Variants in IGF2R observed in about 807,000 individuals in gnomAD.
IGF2R encodes the protein insulin like growth factor 2 receptor, also known as cation-independent mannose-6-phosphate receptor.
In IGF2R, 91 loss-of-function variants were observed where a neutral mutation model predicts 270.6. That is an observed-to-expected ratio of 0.34 (90% CI 0.28 to 0.40). IGF2R has a LOEUF of 0.40. Among genes scored for constraint, IGF2R ranks in the 10% least tolerant of loss-of-function variants. The pLI is 1.00. For synonymous variants in IGF2R, 1,316 were observed against 1,258.9 expected, an observed-to-expected ratio of 1.05 and a Z score of -0.96; for missense variants, 2,805 against 3,188.3, an observed-to-expected ratio of 0.88 and a Z score of 2.90.
rs1297889559 is a variant in IGF2R at position 160,084,172 on chromosome 6, A to G, written c.6056A>G (p.His2019Arg). ...SSLTGSWSLV[H>R]NGVSYYINLC... ...CTCACCGGGTCCTGGTCCCTCGTCC[A>G]CAACGGAGTCTCGTGAGTGCCTTCC... is the stretch of plus-strand genomic sequence containing the variant. The change falls in exon 40 of 48, where the codon CAC (histidine) becomes CGC (arginine). Residue 2019 changes from histidine to arginine, a missense_variant. By Grantham distance (29) the His-to-Arg change is conservative (BLOSUM62 0). This residue lies in a region of IGF2R where 1,851 missense variants were observed against 2,207.2 expected (regional missense o/e 0.84). Transcript: ENST00000356956. This position sits in a 1 kb window ranked among gnomAD's most constrained non-coding sequence, Gnocchi z 4.6. 4.3e-6 allele frequency: 7 copies of G among 1,610,442 alleles called. No homozygotes were observed. Among genetic ancestry groups the G allele is most frequent in the Non-Finnish European group, 5.9e-6 (7 of 1,176,758 alleles).
Position 160,072,880 on chromosome 6 carries a change from C to A in IGF2R, c.4686C>A (p.Gly1562=). Residue 1562 remains glycine, a synonymous_variant, in exon 33 of 48, where the codon GGC becomes GGA. Coordinates refer to ENST00000356956, the MANE Select transcript of IGF2R (RefSeq NM_000876.4). ...ICGENENCPP[G]VGACFGQTRI... ...GGGAGAATGAAAACTGCCCTCCTGG[C>A]GTGGGTGAGTGCTGTGGTCTCTCGT... 1 of 1,611,296 alleles carries A rather than the reference C, an allele frequency of 6.2e-7. No homozygotes were observed.
Position 160,047,830 on chromosome 6 carries a change from C to T in IGF2R, c.2268C>T (p.Thr756=). The T allele has an allele frequency of 8.1e-6, 13 of 1,614,078 alleles. No homozygotes were observed. The highest frequency in any genetic ancestry group is 1.1e-5 in the Non-Finnish European group (13 of 1,179,904). Residue 756 remains threonine (T), a synonymous_variant, in exon 17 of 48, where the codon ACC becomes ACT. Transcript: ENST00000356956. The part of the protein sequence containing the change: ...DNSTYNFRWY[T]SYACPEEPLE... Reference sequence around the variant, plus strand: ...CCACCTACAACTTCCGGTGGTACACCAGCTATGCCTGCCCGGAGGAGCCCC... The same window carrying T: ...CCACCTACAACTTCCGGTGGTACACTAGCTATGCCTGCCCGGAGGAGCCCC...
chr6:159,972,975 A>G (rs1280808700), intron 1 of IGF2R, among the ~76,000 whole-genome samples: 1 of 152,162 alleles, frequency 6.6e-6, no homozygotes, highest in Non-Finnish European at 1.5e-5. Context: ...TTAGAAGTTA[A>G]TGATTCTTAT....
chr6:160,019,802 CAT>C (rs1323909237), intron 4 of IGF2R, among the ~76,000 whole-genome samples: 3 of 152,116 alleles, frequency 2.0e-5, no homozygotes, highest in Non-Finnish European at 2.9e-5. Flanking sequence ...TTAGAAGGGA[CAT>C]ACCTCAGAAT....
chr6:159,974,578 T>C (rs1298697274), intron 1 of IGF2R, among the ~76,000 whole-genome samples: 1 of 152,218 alleles, frequency 6.6e-6, no homozygotes, highest in African/African-American at 2.4e-5. Context: ...TTTTGGTAGC[T>C]TGAGAAATCA....
chr6:160,071,808 G>T, intron 31 of IGF2R, 102 bp from the exon 32 acceptor site: 1 of 1,446,174 alleles, frequency 6.9e-7, no homozygotes, highest in Non-Finnish European at 9.6e-7. Flanking sequence ...AATGTCACAT[G>T]CTGTGGAGTT....
chr6:160,067,506 T>C (rs1037380333), intron 29 of IGF2R, among the ~76,000 whole-genome samples: 1 of 152,208 alleles, frequency 6.6e-6, no homozygotes, highest in Admixed American at 6.5e-5. Flanking sequence ...CTTTGTAAGA[T>C]TGATGATGTT....
At chr6:160,029,708 C>G in intron 7 of IGF2R, 53 bp downstream of exon 7, 1 of 1,340,288 alleles carries the variant, frequency 7.5e-7, no homozygotes, top group Non-Finnish European at 1.1e-6. Context: ...CCTGGGTTGC[C>G]CATGCGAACG....
intron 10 of IGF2R, among the ~76,000 whole-genome samples, chr6:160,037,410 C>CT (rs1402309965): frequency 6.6e-6 from 1 of 152,168 alleles, no homozygotes; most frequent in Non-Finnish European, 1.5e-5. Flanking sequence ...CGAATTTAAA[C>CT]TTAGAGTTTT....
intron 47 of IGF2R, 60 bp from the exon 48 acceptor site, chr6:160,104,614 G>T (rs1412319945): frequency 1.3e-6 from 2 of 1,543,690 alleles, no homozygotes; most frequent in East Asian, 4.5e-5. Context: ...GTGGTGGATG[G>T]TGGAGCAGAA....
chr6:159,980,204 A>G (rs1430732372), intron 1 of IGF2R, among the ~76,000 whole-genome samples: 16 of 89,926 alleles, frequency 1.8e-4, no homozygotes, highest in Admixed American at 5.1e-4. Context: ...AGAAAGAAAG[A>G]AAGAAAGAAA....
At chr6:159,979,741 G>A (rs1004549922) in intron 1 of IGF2R, among the ~76,000 whole-genome samples, 10 of 152,168 alleles carry the variant, frequency 6.6e-5, no homozygotes, top group Admixed American at 2.0e-4. Flanking sequence ...GCAGCTAAGG[G>A]CCCAGTGTGT....
At chr6:159,986,740 CTT>C (rs34584468) in intron 1 of IGF2R, among the ~76,000 whole-genome samples, 19 of 144,412 alleles carry the variant, frequency 1.3e-4, no homozygotes, top group Admixed American at 2.1e-4. Context: ...ATATTGATCT[CTT>C]TTTTTTTTTT....
chr6:160,055,950 C>T (rs1052690081), intron 19 of IGF2R, among the ~76,000 whole-genome samples: 3 of 152,086 alleles, frequency 2.0e-5, no homozygotes, highest in African/African-American at 7.2e-5. Context: ...AACTACACAT[C>T]AAGAAAGAAC....
chr6:160,072,815 G>A lies in IGF2R; in HGVS notation c.4621G>A (p.Ala1541Thr). The stretch of plus-strand genomic sequence containing the variant: ...AAGTGGCAGGGCGGGATTCACAGCT[G>A]CTTACAGCGAGAAGGGGTTGGTTTA... ...SLSGRAGFTA[A>T]YSEKGLVYMS... The change falls in exon 33 of 48, where the codon GCT becomes ACT. Residue 1541 changes from alanine to threonine, a missense_variant. By Grantham distance (58) the Ala-to-Thr change is moderately conservative. Transcript: ENST00000356956. The A allele has an allele frequency of 6.2e-7, 1 of 1,614,190 alleles. No homozygotes were observed. Among genetic ancestry groups the A allele is most frequent in the Non-Finnish European group, 8.5e-7 (1 of 1,180,020 alleles).
Position 160,084,141 on chromosome 6 carries a change from T to C in IGF2R, c.6025T>C (p.Ser2009Pro). 1.2e-6 allele frequency: 2 copies of C among 1,614,088 alleles called. No individual in the cohort carries two copies. Among genetic ancestry groups the C allele is most frequent in the Non-Finnish European group, 1.7e-6 (2 of 1,179,962 alleles). The change falls in exon 40 of 48, where the codon TCC (serine) becomes CCC (proline). Residue 2009 changes from serine (S) to proline (P), a missense_variant. Around this residue, in one of 2 missense-constraint regions of IGF2R, gnomAD observed 1,851 missense variants for 2,207.2 expected, o/e 0.84. Coordinates refer to ENST00000356956, the MANE Select transcript of IGF2R (RefSeq NM_000876.4). This position sits in a 1 kb window ranked among gnomAD's most constrained non-coding sequence, Gnocchi z 4.6. ...KHKTYDLRLL[S>P]SLTGSWSLVH... ...CAAAACCTACGACCTGCGGCTGCTC[T>C]CCTCTCTCACCGGGTCCTGGTCCCT...
Position 160,073,885 on chromosome 6 carries a change from C to T in IGF2R, c.5076C>T (p.Ile1692=). ...DASDTNPDFY[I]NICQPLNPMH... is the part of the protein sequence containing the mutation. ...CCGATACCAACCCTGATTTCTACAT[C>T]AATATTTGTCAGCCACTAAATCCCA... Residue 1692 remains isoleucine, a synonymous_variant, in exon 35 of 48, where the codon ATC becomes ATT. Coordinates refer to ENST00000356956, the MANE Select transcript of IGF2R (RefSeq NM_000876.4). 1 of 1,614,118 alleles carries T rather than the reference C, an allele frequency of 6.2e-7. No homozygotes were observed. The highest frequency in any genetic ancestry group is 1.1e-5 in the South Asian group (1 of 91,084).
chr6:160,017,773 A>G (rs1245282259), intron 4 of IGF2R, among the ~76,000 whole-genome samples: 1 of 152,196 alleles, frequency 6.6e-6, no homozygotes, highest in African/African-American at 2.4e-5. Context: ...TTCATGTATG[A>G]AGGAAAAATA....
chr6:159,979,973 C>T (rs1443564707), intron 1 of IGF2R, among the ~76,000 whole-genome samples: 2 of 152,014 alleles, frequency 1.3e-5, no homozygotes, highest in South Asian at 2.1e-4. Flanking sequence ...GGGTGGATCA[C>T]GAGGTCAGGA....
Sources: gnomAD v4.1 joint callset for allele counts (sites outside exome capture counted in the v4.1 genomes callset) on GRCh38, gnomAD v4.1.1 for gene constraint, gnomAD v4.1.1 regional missense constraint, Gnocchi (gnomAD v3.1) non-coding constraint, MANE v1.5 for transcripts, NCBI Gene and HGNC (gene_info 2026-07-23, HGNC 2026-07-21) for gene names.